Variants in NDST4 observed in about 807,000 individuals in gnomAD.
The protein encoded by NDST4 is N-deacetylase and N-sulfotransferase 4.
NDST4 carries 63 observed loss-of-function variants against 100.8 expected under a neutral mutation model. That is an observed-to-expected ratio of 0.62 (90% confidence interval 0.51 to 0.77). The LOEUF is 0.77. Among genes scored for constraint, NDST4 ranks in the 30% least tolerant of loss-of-function variants. The pLI, the probability that NDST4 is intolerant of heterozygous loss-of-function variation, is 0.00. For missense variants in NDST4, 943 were observed against 1,018.4 expected (o/e 0.93, Z 1.01); for synonymous variants, 377 against 361.8 (o/e 1.04, Z -0.48).
chr4:114,869,464 G>T (rs1051817980), intron 7 of NDST4, among the ~76,000 whole-genome samples: 1 of 152,012 alleles, frequency 6.6e-6, no homozygotes, highest in Non-Finnish European at 1.5e-5. Flanking sequence ...AAAAGTATGT[G>T]AGATCTTTTG....
At chr4:114,883,170 GAATA>G (rs1050971562) in intron 6 of NDST4, among the ~76,000 whole-genome samples, 38 of 151,976 alleles carry the variant, frequency 2.5e-4, no homozygotes, top group African/African-American at 6.0e-4. Context: ...GTGTTTAAAT[GAATA>G]AATAAAGGTA....
At chr4:114,906,635 T>C (rs979585700) in intron 6 of NDST4, among the ~76,000 whole-genome samples, 3 of 152,126 alleles carry the variant, frequency 2.0e-5, no homozygotes, top group African/African-American at 7.2e-5. Context: ...CTTTTTTACC[T>C]CTCTGGTTTT....
At chr4:114,829,929 G>T in intron 12 of NDST4, 37 bp from the exon 13 acceptor site, 1 of 1,493,370 alleles carries the variant, frequency 6.7e-7, no homozygotes, top group Non-Finnish European at 9.2e-7. Context: ...CAAATTGTAT[G>T]CAGAATTTTC....
chr4:115,060,008 A>T (rs577886039), intron 2 of NDST4, among the ~76,000 whole-genome samples: 2 of 152,084 alleles, frequency 1.3e-5, no homozygotes, highest in South Asian at 4.1e-4. Context: ...GTTTTCTCAG[A>T]TAGTTCCCGT....
chr4:115,112,838 A>T (rs1729981628), intron 1 of NDST4, among the ~76,000 whole-genome samples: 1 of 151,896 alleles, frequency 6.6e-6, no homozygotes, highest in Admixed American at 6.6e-5. Context: ...ATATTGTTCT[A>T]AGAATTTATT....
intron 6 of NDST4, among the ~76,000 whole-genome samples, chr4:114,886,543 G>A (rs1048843483): frequency 6.6e-6 from 1 of 151,974 alleles, no homozygotes; most frequent in Admixed American, 6.6e-5. Flanking sequence ...TAGCAATCAC[G>A]TTTTAAAGCT....
intron 2 of NDST4, among the ~76,000 whole-genome samples, chr4:115,025,405 C>T (rs1279353349): frequency 6.6e-6 from 1 of 152,134 alleles, no homozygotes; most frequent in Non-Finnish European, 1.5e-5. Context: ...TGTCTGACTT[C>T]ACTTAGGTAA....
intron 2 of NDST4, among the ~76,000 whole-genome samples, chr4:115,033,812 A>G (rs1457117986): frequency 6.6e-6 from 1 of 152,090 alleles, no homozygotes; most frequent in African/African-American, 2.4e-5. Context: ...TAAAAAACAT[A>G]CTTCTTAAAA....
intron 8 of NDST4, among the ~76,000 whole-genome samples, chr4:114,850,233 T>C (rs114500331): frequency 0.02 from 3,027 of 152,278 alleles, 131 homozygotes; most frequent in South Asian, 0.17. Context: ...AGACACTTTA[T>C]AGCCTCACTC....
intron 7 of NDST4, among the ~76,000 whole-genome samples, chr4:114,854,099 C>T (rs1051038982): frequency 6.6e-6 from 1 of 152,190 alleles, no homozygotes; most frequent in African/African-American, 2.4e-5. Flanking sequence ...CATTAACGAT[C>T]CCCATTCCTA....
chr4:114,927,336 G>T (rs1725407618), intron 6 of NDST4, among the ~76,000 whole-genome samples: 1 of 151,858 alleles, frequency 6.6e-6, no homozygotes, highest in South Asian at 2.1e-4. Flanking sequence ...TAGAAGCTCA[G>T]TAATAGATTT....
intron 2 of NDST4, among the ~76,000 whole-genome samples, chr4:115,013,370 T>TATATATATACACAC (rs74678897): frequency 8.4e-5 from 6 of 71,450 alleles, no homozygotes; most frequent in East Asian, 3.7e-4. Flanking sequence ...TATATATATA[T>TATATATATACACAC]ACACACACAT....
chr4:114,981,884 C>T (rs749816171), intron 2 of NDST4, among the ~76,000 whole-genome samples: 4 of 152,054 alleles, frequency 2.6e-5, no homozygotes, highest in Non-Finnish European at 5.9e-5. Flanking sequence ...ATTGTAATCC[C>T]CACATGTTGA....
At chr4:115,053,125 G>A (rs928856551) in intron 2 of NDST4, among the ~76,000 whole-genome samples, 1 of 152,256 alleles carries the variant, frequency 6.6e-6, no homozygotes, top group Non-Finnish European at 1.5e-5. Flanking sequence ...GAGACATAAT[G>A]TATTGACTGA....
intron 4 of NDST4, among the ~76,000 whole-genome samples, chr4:114,945,574 C>T (rs893533472): frequency 2.0e-5 from 3 of 152,010 alleles, no homozygotes; most frequent in African/African-American, 4.8e-5. Context: ...GAAGAGAAAA[C>T]AATAAAATAA....
intron 2 of NDST4, among the ~76,000 whole-genome samples, chr4:115,013,346 C>CATAT (rs200801455): frequency 0.043 from 2,819 of 65,326 alleles, 321 homozygotes; most frequent in East Asian, 0.3. Flanking sequence ...ATATAAATAC[C>CATAT]ATATATATAT....
chr4:114,841,067 T>TA (rs1723413715), intron 10 of NDST4, among the ~76,000 whole-genome samples: 1 of 152,158 alleles, frequency 6.6e-6, no homozygotes, highest in Non-Finnish European at 1.5e-5. Flanking sequence ...TTTAATACAG[T>TA]AATGCTAAAA....
intron 6 of NDST4, among the ~76,000 whole-genome samples, chr4:114,925,423 T>C (rs1725367918): frequency 6.6e-6 from 1 of 152,182 alleles, no homozygotes; most frequent in Non-Finnish European, 1.5e-5. Context: ...ATGTGGATGT[T>C]ATCCTGTGCC....
chr4:114,879,729 G>C (rs1724327512), intron 6 of NDST4, among the ~76,000 whole-genome samples: 1 of 152,130 alleles, frequency 6.6e-6, no homozygotes, highest in Non-Finnish European at 1.5e-5. Context: ...TTCTTTGCCA[G>C]TAGAAAATAT....
Sources: gnomAD v4.1 joint callset for allele counts (sites outside exome capture counted in the v4.1 genomes callset) on GRCh38, gnomAD v4.1.1 for gene constraint, MANE v1.5 for transcripts, NCBI Gene and HGNC (gene_info 2026-07-23, HGNC 2026-07-21) for gene names.